UNC13C: variants seen among roughly 807,000 people sequenced by gnomAD.
UNC13C encodes the protein unc-13 homolog C, also known as protein unc-13 homolog C.
Under a neutral mutation model 245.4 loss-of-function variants are expected in UNC13C, and 174 were observed. That is an observed-to-expected ratio of 0.71 (90% CI 0.63 to 0.80). The LOEUF (loss-of-function observed/expected upper bound fraction) is 0.80. Ranked by LOEUF, UNC13C falls within the 30% of genes least tolerant of loss-of-function variation. The pLI, the probability that UNC13C is intolerant of heterozygous loss-of-function variation, is 0.00. For missense variants in UNC13C, 2,829 were observed against 2,602.9 expected (o/e 1.09, Z -1.89); for synonymous variants, 992 against 895.1 (o/e 1.11, Z -1.93).
chr15:54,141,250 T>C (rs2032004297), intron 2 of UNC13C, among the ~76,000 whole-genome samples: 1 of 152,186 alleles, frequency 6.6e-6, no homozygotes, highest in Non-Finnish European at 1.5e-5. Context: ...TTCCATGTGA[T>C]TTTGCATGTT....
chr15:53,943,764 T>C, the UNC13C span, among the ~76,000 whole-genome samples: 1 of 152,194 alleles, frequency 6.6e-6, no homozygotes, highest in Admixed American at 6.5e-5. Context: ...TTCAGTTCTA[T>C]CAGTCTCTGA....
chr15:54,109,254 C>T (rs1900625070), intron 2 of UNC13C, among the ~76,000 whole-genome samples: 2 of 136,404 alleles, frequency 1.5e-5, no homozygotes, highest in Admixed American at 7.6e-5. Flanking sequence ...TCCTTTCTTT[C>T]CTTTCCTTTC....
At chr15:54,519,065 C>T (rs887261778) in intron 24 of UNC13C, among the ~76,000 whole-genome samples, 1 of 152,110 alleles carries the variant, frequency 6.6e-6, no homozygotes, top group Admixed American at 6.6e-5. Flanking sequence ...CATGTGGCTC[C>T]AAAAGCATAA....
At chr15:54,073,710 C>T (rs1429616458) in intron 2 of UNC13C, among the ~76,000 whole-genome samples, 1 of 151,982 alleles carries the variant, frequency 6.6e-6, no homozygotes, top group African/African-American at 2.4e-5. Flanking sequence ...ACATCCTTTG[C>T]CTACTTTTTG....
intron 4 of UNC13C, among the ~76,000 whole-genome samples, chr15:54,155,076 G>C (rs1157385490): frequency 6.6e-6 from 1 of 152,050 alleles, no homozygotes; most frequent in Non-Finnish European, 1.5e-5. Flanking sequence ...TCATAATATA[G>C]TACCTGTATC....
intron 19 of UNC13C, among the ~76,000 whole-genome samples, chr15:54,478,220 C>T (rs1892886430): frequency 6.7e-6 from 1 of 149,934 alleles, no homozygotes; most frequent in South Asian, 2.1e-4. Flanking sequence ...ATTAGTCTTG[C>T]TAGTGGTCTA....
chr15:54,030,103 C>T (rs1019259405), intron 2 of UNC13C, among the ~76,000 whole-genome samples: 1 of 152,088 alleles, frequency 6.6e-6, no homozygotes, highest in Non-Finnish European at 1.5e-5. Flanking sequence ...GTCATTCATC[C>T]TTATATAGGC....
intron 30 of UNC13C, 123 bp from the exon 31 acceptor site, chr15:54,622,204 A>G (rs1408799506): frequency 1.5e-6 from 1 of 689,624 alleles, no homozygotes. Context: ...CCTATTACGC[A>G]CTATTAATGG....
intron 12 of UNC13C, 108 bp downstream of exon 12, chr15:54,298,034 T>C: frequency 2.5e-6 from 2 of 792,574 alleles, no homozygotes; most frequent in Non-Finnish European, 2.0e-6. Context: ...GAGTGGTTCC[T>C]GGAGTTCTGA....
At chr15:53,906,629 A>T in the UNC13C span, among the ~76,000 whole-genome samples, 1 of 152,300 alleles carries the variant, frequency 6.6e-6, no homozygotes, top group African/African-American at 2.4e-5. Context: ...CAGGAATTGA[A>T]TCTTGAGTGG....
intron 4 of UNC13C, among the ~76,000 whole-genome samples, chr15:54,201,243 G>A (rs1024307485): frequency 6.6e-6 from 1 of 151,926 alleles, no homozygotes; most frequent in Non-Finnish European, 1.5e-5. Flanking sequence ...ATCCAAAGAA[G>A]AATTGAAACC....
chr15:53,961,245 A>C, the UNC13C span, among the ~76,000 whole-genome samples: 2 of 152,248 alleles, frequency 1.3e-5, no homozygotes, highest in Non-Finnish European at 2.9e-5. Context: ...CTGGCACAGC[A>C]CCGGACCATG....
At chr15:54,356,424 T>A (rs2039096696) in intron 17 of UNC13C, among the ~76,000 whole-genome samples, 1 of 152,168 alleles carries the variant, frequency 6.6e-6, no homozygotes, top group Non-Finnish European at 1.5e-5. Flanking sequence ...CCTTCTGGGC[T>A]GCTATAACAA....
At chr15:54,031,285 A>G (rs1270087762) in intron 2 of UNC13C, among the ~76,000 whole-genome samples, 1 of 152,164 alleles carries the variant, frequency 6.6e-6, no homozygotes, top group Non-Finnish European at 1.5e-5. Context: ...GTGCAGTGGC[A>G]CGATCTCAGC....
At chr15:54,268,127 C>G (rs559212580) in intron 10 of UNC13C, among the ~76,000 whole-genome samples, 26 of 151,864 alleles carry the variant, frequency 1.7e-4, no homozygotes, top group Admixed American at 2.0e-4. Context: ...GCCCCACCCC[C>G]CAACTTTACT....
At chr15:54,211,276 T>G (rs779697963) in intron 4 of UNC13C, among the ~76,000 whole-genome samples, 6 of 152,080 alleles carry the variant, frequency 3.9e-5, no homozygotes, top group Non-Finnish European at 7.4e-5. Context: ...AAATGTTATG[T>G]AGAATGATGC....
chr15:54,236,309 T>C, intron 5 of UNC13C, 121 bp from the exon 6 acceptor site: 1 of 741,600 alleles, frequency 1.3e-6, no homozygotes, highest in South Asian at 1.9e-5. Flanking sequence ...CAAATTTCTG[T>C]CTTCACTATG....
intron 1 of UNC13C, among the ~76,000 whole-genome samples, chr15:53,983,211 T>A (rs1380340713): frequency 6.6e-6 from 1 of 152,080 alleles, no homozygotes; most frequent in Non-Finnish European, 1.5e-5. Flanking sequence ...TTTTTAAGAG[T>A]CATTTGTGGA....
the UNC13C span, among the ~76,000 whole-genome samples, chr15:53,953,285 G>A: frequency 3.9e-5 from 6 of 152,200 alleles, no homozygotes; most frequent in Non-Finnish European, 7.3e-5. Context: ...GAAATGAGAA[G>A]TGGCTTTCCT....
Sources: allele counts gnomAD v4.1 joint callset (sites outside exome capture counted in the v4.1 genomes callset), GRCh38; gene constraint gnomAD v4.1.1; transcripts MANE v1.5; gene names NCBI Gene and HGNC (gene_info 2026-07-23, HGNC 2026-07-21).